The following ESRRB variants were observed in gnomAD, a reference collection of about 807,000 sequenced individuals.
The protein encoded by ESRRB is estrogen related receptor beta, also known as steroid hormone receptor ERR2.
ESRRB carries 16 observed loss-of-function variants against 46.0 expected under a neutral mutation model. The ratio of observed to expected loss-of-function variants is 0.35; its 90% CI spans 0.24 to 0.53. The LOEUF is 0.53. Among genes scored for constraint, ESRRB ranks in the 20% least tolerant of loss-of-function variants. The probability of loss-of-function intolerance (pLI) is 0.93; values close to 1 mark genes in which losing one functional copy is unlikely to be tolerated. For synonymous variants in ESRRB, 246 were observed against 259.6 expected (o/e 0.95, Z 0.50); for missense variants, 488 against 607.4 (o/e 0.80, Z 2.07).
chr14:76,369,056 G>C (rs1884560153), upstream of ESRRB, among the ~76,000 whole-genome samples: 1 of 151,700 alleles, frequency 6.6e-6, no homozygotes. Context: ...AATTAGCTGG[G>C]TGCGGTGGTG....
chr14:76,321,176 A>G (rs1336616532), intron 1 of ESRRB, among the ~76,000 whole-genome samples: 1 of 151,792 alleles, frequency 6.6e-6, no homozygotes, highest in Non-Finnish European at 1.5e-5. Context: ...GCCCCTTTCC[A>G]TTTTTGCCTT....
intron 1 of ESRRB, among the ~76,000 whole-genome samples, chr14:76,388,330 C>T (rs1192179820): frequency 6.6e-6 from 1 of 152,054 alleles, no homozygotes; most frequent in East Asian, 1.9e-4. Context: ...AGGCGCCTGC[C>T]ACCATGCCTG....
intron 3 of ESRRB, 82 bp downstream of exon 3, chr14:76,462,743 C>CT: frequency 9.8e-7 from 1 of 1,024,180 alleles, no homozygotes. Context: ...CACCCACAAG[C>CT]TGTGGACCTG....
intron 1 of ESRRB, among the ~76,000 whole-genome samples, chr14:76,355,956 C>A (rs1010869433): frequency 1.3e-5 from 2 of 152,206 alleles, no homozygotes; most frequent in Non-Finnish European, 2.9e-5. Flanking sequence ...TCTCTTCCCC[C>A]CAACCTTGAG....
intron 1 of ESRRB, among the ~76,000 whole-genome samples, chr14:76,356,391 C>T (rs1161963603): frequency 1.3e-5 from 2 of 152,240 alleles, no homozygotes; most frequent in African/African-American, 4.8e-5. Context: ...TACTCTCTCT[C>T]TCCCATTTTA....
chr14:76,386,634 G>A (rs1885243966), intron 1 of ESRRB, among the ~76,000 whole-genome samples: 1 of 151,668 alleles, frequency 6.6e-6, no homozygotes, highest in African/African-American at 2.4e-5. Flanking sequence ...TAATTATTTT[G>A]TATTTTTAGT....
chr14:76,498,792 C>T lies in ESRRB; in HGVS notation c.*334C>T, dbSNP rs567026114. ...GGAGCAAGTGCCCTCTCCCCTCCACCGAGCCACCAAGAGGCAGCATGTGCA... is the reference window on the plus strand; with the variant it reads ...GGAGCAAGTGCCCTCTCCCCTCCACTGAGCCACCAAGAGGCAGCATGTGCA... On this transcript the variant is annotated 3_prime_UTR_variant, in exon 7 of 7. Coordinates refer to ENST00000644823, the MANE Select transcript of ESRRB (RefSeq NM_001379180.1). 7.9e-5 allele frequency: 49 copies of T among 622,086 alleles called. No homozygotes were observed. Among genetic ancestry groups the T allele is most frequent in the South Asian group, 5.8e-4 (42 of 72,526 alleles). 38.5% of individuals were successfully genotyped at this position (622,086 alleles called of 1,614,324 possible). A position where few individuals can be genotyped will look rare whatever the true frequency, so the allele number is the denominator to read the frequency against.
upstream of ESRRB, among the ~76,000 whole-genome samples, chr14:76,373,803 T>C (rs61979386): frequency 0.2 from 29,961 of 152,180 alleles, 3,684 homozygotes; most frequent in Non-Finnish European, 0.28. Flanking sequence ...GATAAGGCTC[T>C]GGTTCACCTT....
intron 2 of ESRRB, among the ~76,000 whole-genome samples, chr14:76,449,794 G>A (rs1328674796): frequency 6.8e-6 from 1 of 147,406 alleles, no homozygotes; most frequent in Non-Finnish European, 1.5e-5. Context: ...TTGGGACAGG[G>A]TCTTGCTCTG....
At chr14:76,334,340 A>G (rs907020995) in intron 1 of ESRRB, among the ~76,000 whole-genome samples, 3 of 152,146 alleles carry the variant, frequency 2.0e-5, no homozygotes, top group African/African-American at 7.2e-5. Flanking sequence ...CTAAGGGCCG[A>G]GACCTTGACA....
chr14:76,386,651 G>A (rs1206581063), intron 1 of ESRRB, among the ~76,000 whole-genome samples: 2 of 151,650 alleles, frequency 1.3e-5, no homozygotes, highest in Non-Finnish European at 2.9e-5. Context: ...TAGTAGAGAC[G>A]GGGTTTCACC....
At chr14:76,380,407 T>G (rs1884962517) in intron 1 of ESRRB, among the ~76,000 whole-genome samples, 1 of 152,192 alleles carries the variant, frequency 6.6e-6, no homozygotes, top group Non-Finnish European at 1.5e-5. Context: ...TGCAGCGCCC[T>G]TCTCTAGAAC....
upstream of ESRRB, among the ~76,000 whole-genome samples, chr14:76,372,036 T>G (rs1470395477): frequency 6.6e-6 from 1 of 152,132 alleles, no homozygotes; most frequent in African/African-American, 2.4e-5. Flanking sequence ...AGTGGAGATT[T>G]TCACCCGACC....
intron 1 of ESRRB, among the ~76,000 whole-genome samples, chr14:76,408,205 A>G (rs1409142823): frequency 6.6e-6 from 1 of 152,162 alleles, no homozygotes; most frequent in Non-Finnish European, 1.5e-5. Context: ...TGTTCATTCT[A>G]CAGAAATTAT....
chr14:76,338,573 T>C (rs1343361012), intron 1 of ESRRB, among the ~76,000 whole-genome samples: 2 of 152,248 alleles, frequency 1.3e-5, no homozygotes, highest in Non-Finnish European at 2.9e-5. Flanking sequence ...ATAGGACACA[T>C]ATTCTCCCCT....
intron 1 of ESRRB, among the ~76,000 whole-genome samples, chr14:76,332,593 T>A (rs61659120): frequency 2.6e-3 from 48 of 18,648 alleles, no homozygotes; most frequent in Admixed American, 5.5e-3. Context: ...TATTTATATA[T>A]TATATATTAT....
At chr14:76,490,797 G>T (rs563768097) in intron 5 of ESRRB, among the ~76,000 whole-genome samples, 1 of 152,198 alleles carries the variant, frequency 6.6e-6, no homozygotes, top group Non-Finnish European at 1.5e-5. Flanking sequence ...GTTATGGCCC[G>T]GGAAGAGGGG....
intron 1 of ESRRB, among the ~76,000 whole-genome samples, chr14:76,353,645 C>A (rs561899023): frequency 1.7e-4 from 26 of 152,294 alleles, no homozygotes; most frequent in African/African-American, 5.8e-4. Context: ...CGATTAGTGA[C>A]TTGTCCAAGA....
At chr14:76,311,724 C>A (rs142817314) in intron 1 of ESRRB, among the ~76,000 whole-genome samples, 8 of 152,300 alleles carry the variant, frequency 5.3e-5, no homozygotes, top group African/African-American at 1.4e-4. Context: ...AACTTAATAT[C>A]GTGAGGCTTG....
Sources: gnomAD v4.1 joint callset for allele counts (sites outside exome capture counted in the v4.1 genomes callset) on GRCh38, gnomAD v4.1.1 for gene constraint, MANE v1.5 for transcripts, NCBI Gene and HGNC (gene_info 2026-07-23, HGNC 2026-07-21) for gene names.